Variants in DOCK1 observed in about 807,000 individuals in gnomAD.
The protein encoded by DOCK1 is dedicator of cytokinesis protein 1.
Under a neutral mutation model 262.7 loss-of-function variants are expected in DOCK1, and 138 were observed. The ratio of observed to expected loss-of-function variants is 0.53; its 90% CI spans 0.46 to 0.61. The LOEUF is 0.61. Ranked by LOEUF, DOCK1 falls within the 20% of genes least tolerant of loss-of-function variation. DOCK1 has a pLI of 0.00. For missense variants in DOCK1, 1,908 were observed against 2,370.7 expected (o/e 0.80, Z 4.05); for synonymous variants, 866 against 867.4 (o/e 1.00, Z 0.03).
intron 1 of DOCK1, among the ~76,000 whole-genome samples, chr10:126,970,367 A>G (rs1010135412): frequency 6.6e-6 from 1 of 152,192 alleles, no homozygotes; most frequent in African/African-American, 2.4e-5. Flanking sequence ...TATTCACTCC[A>G]TGTGCAATTG....
intron 24 of DOCK1, among the ~76,000 whole-genome samples, chr10:127,106,565 AT>A (rs907302810): frequency 3.3e-5 from 5 of 152,036 alleles, no homozygotes; most frequent in African/African-American, 1.2e-4. Flanking sequence ...TCCATTTGGC[AT>A]TTTGCATACT....
rs534849375 is a variant in DOCK1 at position 126,906,848 on chromosome 10, C to A, written c.46+1285C>A. ...ACCACGGAGCCAGCTGGACAGTGGT[C>A]ACGGGGACAGTCCTGGGACAGCCCT... On this transcript the variant is annotated intron_variant, in intron 1 of 51. Transcript: ENST00000623213. Among the ~76,000 whole-genome samples the A allele has an allele frequency of 3.3e-5, 5 of 152,328 alleles. No individual in the cohort carries two copies. In the South Asian group the frequency reaches 1.0e-3, roughly 32 times the overall value.
chr10:127,281,289 G>C (rs1033932188), intron 29 of DOCK1, among the ~76,000 whole-genome samples: 1 of 152,198 alleles, frequency 6.6e-6, no homozygotes, highest in Non-Finnish European at 1.5e-5. Context: ...TCATCGAGCC[G>C]TGGCCTAGCA....
intron 1 of DOCK1, 40 bp downstream of exon 1, chr10:126,905,603 C>A (rs891426661): frequency 1.6e-5 from 5 of 319,232 alleles, no homozygotes; most frequent in Non-Finnish European, 2.9e-5. Flanking sequence ...CGCCCCAAGC[C>A]CAGGCTCCGG....
At chr10:127,340,373 A>G (rs1413808211) in intron 30 of DOCK1, among the ~76,000 whole-genome samples, 3 of 152,116 alleles carry the variant, frequency 2.0e-5, no homozygotes, top group African/African-American at 7.2e-5. Flanking sequence ...TCACGCTTTC[A>G]GCATTTATAT....
intron 12 of DOCK1, among the ~76,000 whole-genome samples, chr10:127,016,251 AT>A (rs1490084360): frequency 6.6e-6 from 1 of 152,134 alleles, no homozygotes; most frequent in East Asian, 1.9e-4. Context: ...TTTTGAATAA[AT>A]TAGAGGGACT....
intron 27 of DOCK1, among the ~76,000 whole-genome samples, chr10:127,210,985 A>G (rs796370008): frequency 2.6e-4 from 39 of 152,228 alleles, no homozygotes; most frequent in African/African-American, 9.1e-4. Flanking sequence ...GTTGTACTTT[A>G]TTATTTTATT....
chr10:126,938,329 A>G (rs1428591116), intron 1 of DOCK1, among the ~76,000 whole-genome samples: 1 of 152,200 alleles, frequency 6.6e-6, no homozygotes, highest in Non-Finnish European at 1.5e-5. Context: ...ATTACAGGCA[A>G]GAGCCACTGC....
chr10:127,241,083 G>A (rs1285474555), intron 27 of DOCK1, among the ~76,000 whole-genome samples: 3 of 152,158 alleles, frequency 2.0e-5, no homozygotes, highest in Non-Finnish European at 2.9e-5. Flanking sequence ...CAATGCTCTG[G>A]AGGCCAAGGC....
chr10:127,350,406 G>A (rs527965416), intron 31 of DOCK1, among the ~76,000 whole-genome samples: 325 of 152,158 alleles, frequency 2.1e-3, no homozygotes, highest in African/African-American at 7.1e-3. Context: ...GGGCCTTGGC[G>A]CCTGCTGGTC....
chr10:127,194,324 A>G (rs1266273443), intron 27 of DOCK1, among the ~76,000 whole-genome samples: 1 of 152,210 alleles, frequency 6.6e-6, no homozygotes, highest in Non-Finnish European at 1.5e-5. Context: ...TGGATAGTAA[A>G]TGATTAATAT....
chr10:126,981,743 G>A (rs1294070046), intron 3 of DOCK1, among the ~76,000 whole-genome samples, 175 bp from the exon 4 acceptor site: 1 of 152,174 alleles, frequency 6.6e-6, no homozygotes, highest in Non-Finnish European at 1.5e-5. Flanking sequence ...TGCAATACAA[G>A]CCAAATGAGT....
chr10:126,983,567 T>G (rs750599324), intron 4 of DOCK1, among the ~76,000 whole-genome samples: 29 of 152,318 alleles, frequency 1.9e-4, no homozygotes, highest in Middle Eastern at 3.4e-3. Context: ...TAAGCCTCTC[T>G]TTCTTGCATG....
At chr10:127,193,405 T>C (rs1335414926) in intron 27 of DOCK1, among the ~76,000 whole-genome samples, 1 of 152,196 alleles carries the variant, frequency 6.6e-6, no homozygotes, top group African/African-American at 2.4e-5. Context: ...AAATCCGTGG[T>C]GAACCTGTCA....
intron 1 of DOCK1, among the ~76,000 whole-genome samples, chr10:126,949,021 T>A (rs1223084833): frequency 2.0e-5 from 3 of 152,054 alleles, no homozygotes; most frequent in Non-Finnish European, 4.4e-5. Flanking sequence ...TGAGCTTTCG[T>A]CTTTGCTTTG....
At chr10:126,906,031 C>G (rs1249844744) in intron 1 of DOCK1, among the ~76,000 whole-genome samples, 1 of 152,068 alleles carries the variant, frequency 6.6e-6, no homozygotes, top group Non-Finnish European at 1.5e-5. Flanking sequence ...CTCAGGTCGG[C>G]GCGGTCCCAG....
chr10:127,176,468 A>G lies in DOCK1; in HGVS notation c.2847+48704A>G. 1 of 1,336,848 alleles carries G rather than the reference A, an allele frequency of 7.5e-7. No individual in the cohort carries two copies. Among genetic ancestry groups the G allele is most frequent in the Admixed American group, 2.2e-5 (1 of 46,402 alleles). The allele number at this position is 1,336,848 out of a possible 1,614,324, so 82.8% of individuals were successfully genotyped here. A position where few individuals can be genotyped will look rare whatever the true frequency, so the allele number is the denominator to read the frequency against. On this transcript the variant is annotated intron_variant, in intron 27 of 51. Transcript: ENST00000623213. The surrounding 1 kb of genome is among the most constrained non-coding windows in gnomAD (Gnocchi z 4.4). The stretch of plus-strand genomic sequence containing the variant: ...TACACACTCAAGCACCGGCCGCACA[A>G]ACTTTTAGCCACCACGACGACTGCC...
chr10:127,103,133 C>T (rs1184714800), intron 23 of DOCK1, among the ~76,000 whole-genome samples: 1 of 152,206 alleles, frequency 6.6e-6, no homozygotes, highest in Non-Finnish European at 1.5e-5. Context: ...GTGGTTGGTG[C>T]TTCTTGTTAC....
chr10:127,258,052 G>A (rs867540974), intron 29 of DOCK1, among the ~76,000 whole-genome samples: 32 of 152,186 alleles, frequency 2.1e-4, no homozygotes, highest in Middle Eastern at 3.4e-3. Context: ...GGAGATAATT[G>A]TGGGTTCATG....
Sources: allele counts gnomAD v4.1 joint callset (sites outside exome capture counted in the v4.1 genomes callset), GRCh38; gene constraint gnomAD v4.1.1; non-coding constraint Gnocchi (gnomAD v3.1); transcripts MANE v1.5; gene names NCBI Gene and HGNC (gene_info 2026-07-23, HGNC 2026-07-21).